Variants in SNTG1 observed in about 807,000 individuals in gnomAD.
SNTG1 encodes gamma-1-syntrophin.
A neutral mutation model predicts 74.7 loss-of-function variants in SNTG1; 39 were observed. The observed-to-expected ratio is 0.52, with a 90% CI of 0.40 to 0.68. SNTG1 has a LOEUF of 0.68. SNTG1 is among the 30% of genes least tolerant of loss of function. The probability of loss-of-function intolerance (pLI) is 0.00; values close to 1 mark genes in which losing one functional copy is unlikely to be tolerated. For missense variants in SNTG1, 685 were observed against 609.5 expected, an observed-to-expected ratio of 1.12 and a Z score of -1.30; for synonymous variants, 254 against 217.1, an observed-to-expected ratio of 1.17 and a Z score of -1.49.
In SNTG1 at chr8:49,960,850, A is replaced by G. The variant is rs185718198; in HGVS notation, c.-103+48619A>G. Among the ~76,000 whole-genome samples, 10 of 152,260 alleles carry G rather than the reference A, an allele frequency of 6.6e-5. No individual in the cohort carries two copies. In the East Asian group the frequency reaches 1.9e-3, roughly 29 times the overall value. On this transcript the variant is annotated intron_variant, in intron 1 of 18. Coordinates refer to ENST00000642720, the MANE Select transcript of SNTG1 (RefSeq NM_018967.5). ...CTCCTCCTCCTCTCTTTGGGATGCA[A>G]TGAGATAATGGCCCCTCTATTCTTG... is the stretch of plus-strand genomic sequence containing the variant.
chr8:50,069,331 C>A (rs1362196420), intron 1 of SNTG1, among the ~76,000 whole-genome samples: 3 of 152,106 alleles, frequency 2.0e-5, no homozygotes, highest in African/African-American at 7.2e-5. Flanking sequence ...ACAAGTGCTG[C>A]AAATCAAGGC....
chr8:50,067,821 C>G (rs1821024475), intron 1 of SNTG1, among the ~76,000 whole-genome samples: 1 of 152,178 alleles, frequency 6.6e-6, no homozygotes, highest in Non-Finnish European at 1.5e-5. Flanking sequence ...GCAGTGCACA[C>G]AGACCCCTGT....
At chr8:50,671,285 A>G (rs1450562314) in intron 15 of SNTG1, among the ~76,000 whole-genome samples, 2 of 151,906 alleles carry the variant, frequency 1.3e-5, no homozygotes, top group Non-Finnish European at 2.9e-5. Flanking sequence ...AATTTTTGCA[A>G]CCTACTCATC....
chr8:50,610,041 T>C (rs1209135055), intron 13 of SNTG1, among the ~76,000 whole-genome samples: 4 of 152,184 alleles, frequency 2.6e-5, no homozygotes, highest in African/African-American at 9.6e-5. Context: ...TCTTGTTTGA[T>C]ACTCTTTCGT....
intron 12 of SNTG1, among the ~76,000 whole-genome samples, chr8:50,559,575 G>C (rs1340326704): frequency 6.6e-6 from 1 of 152,028 alleles, no homozygotes; most frequent in Non-Finnish European, 1.5e-5. Context: ...TTGGAAGATT[G>C]AAAGTCAAAA....
chr8:50,328,565 T>C (rs1323681391), intron 2 of SNTG1, among the ~76,000 whole-genome samples: 5 of 152,120 alleles, frequency 3.3e-5, no homozygotes, highest in Non-Finnish European at 7.3e-5. Context: ...TGTCAAACAC[T>C]TATAAAACCA....
At chr8:50,075,634 G>A (rs116935480) in intron 1 of SNTG1, among the ~76,000 whole-genome samples, 7 of 152,140 alleles carry the variant, frequency 4.6e-5, no homozygotes, top group Non-Finnish European at 7.4e-5. Flanking sequence ...TGCTTCCTAC[G>A]CTGTGGAGCT....
intron 2 of SNTG1, among the ~76,000 whole-genome samples, chr8:50,390,746 T>G (rs945098034): frequency 6.6e-6 from 1 of 152,196 alleles, no homozygotes; most frequent in African/African-American, 2.4e-5. Flanking sequence ...TTTATTTCAT[T>G]GAGCAGTGGT....
At chr8:50,392,066 C>G (rs1275081656) in intron 2 of SNTG1, among the ~76,000 whole-genome samples, 1 of 152,088 alleles carries the variant, frequency 6.6e-6, no homozygotes, top group African/African-American at 2.4e-5. Flanking sequence ...GAACTGAAAA[C>G]AGACAGTAAG....
chr8:50,415,999 C>G (rs2093008999), intron 4 of SNTG1, among the ~76,000 whole-genome samples: 1 of 152,124 alleles, frequency 6.6e-6, no homozygotes, highest in South Asian at 2.1e-4. Context: ...TATTGAGCCA[C>G]ATAGGCCATC....
chr8:49,952,517 T>G (rs903277385), intron 1 of SNTG1, among the ~76,000 whole-genome samples: 12 of 152,146 alleles, frequency 7.9e-5, no homozygotes, highest in African/African-American at 2.9e-4. Flanking sequence ...AGCTCAGGAA[T>G]GAAGAAGATG....
At chr8:50,332,710 A>G (rs2091010685) in intron 2 of SNTG1, among the ~76,000 whole-genome samples, 1 of 152,154 alleles carries the variant, frequency 6.6e-6, no homozygotes, top group African/African-American at 2.4e-5. Context: ...AAATTAAAAT[A>G]AAAGTTTTGC....
intron 2 of SNTG1, among the ~76,000 whole-genome samples, chr8:50,304,984 C>T (rs768075420): frequency 6.6e-6 from 1 of 152,086 alleles, no homozygotes; most frequent in Non-Finnish European, 1.5e-5. Context: ...CTCACTGCAA[C>T]CTCCACCTCC....
chr8:50,777,691 T>C (rs886990106), intron 18 of SNTG1, among the ~76,000 whole-genome samples: 1 of 151,752 alleles, frequency 6.6e-6, no homozygotes, highest in Non-Finnish European at 1.5e-5. Context: ...CTCTCTTTTT[T>C]TTAATTTTTT....
intron 1 of SNTG1, among the ~76,000 whole-genome samples, chr8:50,112,515 C>CTTTTTTTTT (rs34942560): frequency 1.0e-4 from 8 of 77,598 alleles, no homozygotes; most frequent in East Asian, 4.4e-4. Flanking sequence ...TTAGTTCTTT[C>CTTTTTTTTT]TTTTTTTTTT....
intron 12 of SNTG1, among the ~76,000 whole-genome samples, chr8:50,575,293 C>G (rs1351633273): frequency 2.0e-5 from 3 of 152,154 alleles, no homozygotes; most frequent in Non-Finnish European, 4.4e-5. Flanking sequence ...GTAGTGTTCA[C>G]ATTAACTTTT....
chr8:50,032,935 T>A (rs963858080), intron 1 of SNTG1, among the ~76,000 whole-genome samples: 5 of 152,128 alleles, frequency 3.3e-5, no homozygotes, highest in African/African-American at 9.7e-5. Flanking sequence ...GCATCAGATT[T>A]GTCCATTCTT....
chr8:50,192,451 A>G (rs2083612024), intron 2 of SNTG1, among the ~76,000 whole-genome samples: 1 of 152,042 alleles, frequency 6.6e-6, no homozygotes, highest in Admixed American at 6.6e-5. Flanking sequence ...CCATCTGTAT[A>G]TCTTCTTTTA....
chr8:50,659,337 G>C (rs1021301509), intron 15 of SNTG1, among the ~76,000 whole-genome samples: 6 of 152,056 alleles, frequency 3.9e-5, no homozygotes, highest in Non-Finnish European at 1.5e-5. Flanking sequence ...TTCTACTTTA[G>C]GGTTTGTAGG....
Sources: gnomAD v4.1 joint callset for allele counts (sites outside exome capture counted in the v4.1 genomes callset) on GRCh38, gnomAD v4.1.1 for gene constraint, MANE v1.5 for transcripts, NCBI Gene and HGNC (gene_info 2026-07-23, HGNC 2026-07-21) for gene names.